PTPRD: variants seen among roughly 807,000 people sequenced by gnomAD.
PTPRD encodes receptor-type tyrosine-protein phosphatase delta.
In PTPRD, 34 loss-of-function variants were observed where a neutral mutation model predicts 214.5. The ratio of observed to expected loss-of-function variants is 0.16; its 90% CI spans 0.12 to 0.21. The LOEUF (loss-of-function observed/expected upper bound fraction) is 0.21. Among genes scored for constraint, PTPRD ranks in the 10% least tolerant of loss-of-function variants. The probability of loss-of-function intolerance (pLI) is 1.00; values close to 1 mark genes in which losing one functional copy is unlikely to be tolerated. For synonymous variants in PTPRD, 1,128 were observed against 845.7 expected, an observed-to-expected ratio of 1.33 and a Z score of -5.79; for missense variants, 2,545 against 2,398.7, an observed-to-expected ratio of 1.06 and a Z score of -1.27.
At chr9:10,505,938 A>G (rs1414239625) in intron 2 of PTPRD, among the ~76,000 whole-genome samples, 1 of 152,174 alleles carries the variant, frequency 6.6e-6, no homozygotes, top group African/African-American at 2.4e-5. Flanking sequence ...GTATGAAAAG[A>G]TGAGGGAGTC....
At chr9:8,791,599 C>A (rs1205276289) in intron 11 of PTPRD, among the ~76,000 whole-genome samples, 1 of 145,064 alleles carries the variant, frequency 6.9e-6, no homozygotes, top group Non-Finnish European at 1.5e-5. Context: ...GCGATCTCGG[C>A]TCACTGCAAC....
At chr9:8,320,759 C>G (rs1587340252) in intron 44 of PTPRD, among the ~76,000 whole-genome samples, 1 of 151,982 alleles carries the variant, frequency 6.6e-6, no homozygotes. Flanking sequence ...TCTCTGTTGT[C>G]TTCATTGTTT....
intron 2 of PTPRD, among the ~76,000 whole-genome samples, chr9:10,595,436 T>C (rs1319498998): frequency 6.6e-6 from 1 of 151,776 alleles, no homozygotes; most frequent in Non-Finnish European, 1.5e-5. Context: ...TTCTTGGCTC[T>C]AAATTTCTGC....
intron 42 of PTPRD, 37 bp from the exon 43 acceptor site, chr9:8,339,084 GT>G: frequency 6.3e-7 from 1 of 1,587,180 alleles, no homozygotes. Context: ...ACTATGCAAA[GT>G]ATAAAGAACA....
chr9:9,922,709 A>T (rs1202071211), intron 5 of PTPRD, among the ~76,000 whole-genome samples: 1 of 152,132 alleles, frequency 6.6e-6, no homozygotes, highest in African/African-American at 2.4e-5. Context: ...AATAAAATTT[A>T]AAAAACCAGT....
intron 35 of PTPRD, among the ~76,000 whole-genome samples, chr9:8,411,963 G>C (rs930053429): frequency 6.6e-6 from 1 of 152,200 alleles, no homozygotes; most frequent in Admixed American, 6.5e-5. Context: ...TTTCCAGGCA[G>C]TTTGGGGCAA....
chr9:9,447,924 C>T (rs1182871683), intron 8 of PTPRD, among the ~76,000 whole-genome samples: 1 of 152,052 alleles, frequency 6.6e-6, no homozygotes, highest in Non-Finnish European at 1.5e-5. Flanking sequence ...GATGAAAGAT[C>T]AAGGAGATGC....
intron 9 of PTPRD, among the ~76,000 whole-genome samples, chr9:9,392,034 G>C (rs4440683): frequency 6.6e-6 from 1 of 151,882 alleles, no homozygotes; most frequent in Non-Finnish European, 1.5e-5. Context: ...AGAGGTGGTG[G>C]AAAGTACCAA....
chr9:9,657,654 GTTGT>G (rs1264445289), intron 7 of PTPRD, among the ~76,000 whole-genome samples: 2 of 152,178 alleles, frequency 1.3e-5, no homozygotes, highest in Admixed American at 6.6e-5. Flanking sequence ...ATGGCTAAAT[GTTGT>G]TTATGACCGA....
At chr9:9,299,925 C>G (rs1954621756) in intron 9 of PTPRD, among the ~76,000 whole-genome samples, 1 of 150,224 alleles carries the variant, frequency 6.7e-6, no homozygotes, top group Non-Finnish European at 1.5e-5. Context: ...CTCTACGTGA[C>G]AGCTATAGGC....
chr9:10,495,061 T>G (rs72700954), intron 2 of PTPRD, among the ~76,000 whole-genome samples: 38,533 of 151,568 alleles, frequency 0.25, 5,204 homozygotes, highest in Middle Eastern at 0.41. Context: ...ATTTATCACA[T>G]GATTTTTATT....
chr9:9,355,357 A>G (rs950060608), intron 9 of PTPRD, among the ~76,000 whole-genome samples: 1 of 145,050 alleles, frequency 6.9e-6, no homozygotes, highest in African/African-American at 2.6e-5. Flanking sequence ...ACAGATGACT[A>G]TGGTTTGGAC....
intron 12 of PTPRD, among the ~76,000 whole-genome samples, chr9:8,731,891 T>G (rs539817311): frequency 6.6e-6 from 1 of 152,236 alleles, no homozygotes. Flanking sequence ...TTTGGCCAAG[T>G]TGAAGCCTGC....
At chr9:10,361,041 G>A (rs1019940903) in intron 2 of PTPRD, among the ~76,000 whole-genome samples, 4 of 152,146 alleles carry the variant, frequency 2.6e-5, no homozygotes, top group Admixed American at 1.3e-4. Context: ...GGCGGAGCTT[G>A]TAGTGAGCCG....
intron 8 of PTPRD, among the ~76,000 whole-genome samples, chr9:9,534,962 G>A (rs1436153001): frequency 6.6e-6 from 1 of 152,006 alleles, no homozygotes; most frequent in African/African-American, 2.4e-5. Flanking sequence ...CTGTAAAGAT[G>A]AGGAACAAGT....
At chr9:8,884,351 G>C (rs946442405) in intron 11 of PTPRD, among the ~76,000 whole-genome samples, 1 of 152,206 alleles carries the variant, frequency 6.6e-6, no homozygotes, top group Non-Finnish European at 1.5e-5. Context: ...TGAGACTGCA[G>C]GCATTGGGAA....
chr9:9,488,512 T>C (rs780645111), intron 8 of PTPRD, among the ~76,000 whole-genome samples: 5 of 152,182 alleles, frequency 3.3e-5, no homozygotes, highest in African/African-American at 7.2e-5. Flanking sequence ...CAGAGGGCAA[T>C]GAAGTCCTCA....
At chr9:8,389,593 G>C (rs975449227) in intron 36 of PTPRD, among the ~76,000 whole-genome samples, 186 bp from the exon 37 acceptor site, 1 of 151,956 alleles carries the variant, frequency 6.6e-6, no homozygotes, top group Non-Finnish European at 1.5e-5. Flanking sequence ...TTAAAAAAAA[G>C]TATGCAAAAA....
intron 2 of PTPRD, among the ~76,000 whole-genome samples, chr9:10,440,090 T>C (rs1454347467): frequency 1.3e-5 from 2 of 151,466 alleles, no homozygotes; most frequent in Non-Finnish European, 3.0e-5. Context: ...ATTAAGCTTT[T>C]ACATAAATGG....
Sources: gnomAD v4.1 joint callset for allele counts (sites outside exome capture counted in the v4.1 genomes callset) on GRCh38, gnomAD v4.1.1 for gene constraint, MANE v1.5 for transcripts, NCBI Gene and HGNC (gene_info 2026-07-23, HGNC 2026-07-21) for gene names.